ARMC8: variants seen among roughly 807,000 people sequenced by gnomAD.
ARMC8 encodes armadillo repeat containing 8.
ARMC8 carries 20 observed loss-of-function variants against 99.3 expected under a neutral mutation model. That is an observed-to-expected ratio of 0.20 (90% CI 0.14 to 0.29). The LOEUF (loss-of-function observed/expected upper bound fraction) is 0.29, where lower values mean the gene tolerates loss of function less well. ARMC8 is among the 10% of genes least tolerant of loss of function. The pLI, the probability that ARMC8 is intolerant of heterozygous loss-of-function variation, is 1.00. For missense variants in ARMC8, 569 were observed against 809.5 expected (o/e 0.70, Z 3.60); for synonymous variants, 263 against 278.3 (o/e 0.95, Z 0.55).
chr3:138,245,607 T>C (rs183100249), intron 12 of ARMC8: 6 of 1,002,764 alleles, frequency 6.0e-6, no homozygotes, highest in East Asian at 2.0e-4. Context: ...TTCTTTGATA[T>C]GTGGCTTAGT....
intron 1 of ARMC8, among the ~76,000 whole-genome samples, chr3:138,191,238 C>G (rs1200546453): frequency 1.3e-5 from 2 of 152,210 alleles, no homozygotes; most frequent in African/African-American, 4.8e-5. Flanking sequence ...AGCCCTGTTT[C>G]TAGACTGCAC....
intron 6 of ARMC8, among the ~76,000 whole-genome samples, chr3:138,231,466 G>A (rs550389933): frequency 6.6e-6 from 1 of 152,176 alleles, no homozygotes; most frequent in South Asian, 2.1e-4. Context: ...AAGCATTTGT[G>A]TTGCAATATA....
At chr3:138,207,715 G>A (rs1295121576) in intron 1 of ARMC8, among the ~76,000 whole-genome samples, 3 of 152,060 alleles carry the variant, frequency 2.0e-5, no homozygotes, top group Non-Finnish European at 4.4e-5. Flanking sequence ...TGATATGTTC[G>A]TACAGTTATT....
At chr3:138,226,412 G>A (rs1231569810) in intron 5 of ARMC8, among the ~76,000 whole-genome samples, 1 of 152,122 alleles carries the variant, frequency 6.6e-6, no homozygotes, top group Non-Finnish European at 1.5e-5. Context: ...CTAGTATTAC[G>A]TGGAGGGCTT....
chr3:138,292,658 T>C lies in ARMC8; in HGVS notation c.1988+2019T>C, dbSNP rs571887649. Among the ~76,000 whole-genome samples the C allele has an allele frequency of 8.5e-5, 13 of 152,090 alleles. 1 individual carries two copies. The highest frequency in any genetic ancestry group is 2.1e-4 in the South Asian group (1 of 4,828). On this transcript the variant is annotated intron_variant, in intron 21 of 21. Coordinates refer to ENST00000469044, the MANE Select transcript of ARMC8 (RefSeq NM_001363941.2). The stretch of plus-strand genomic sequence containing the variant: ...TGAGGAATATAGAAGTGGGTTGCGG[T>C]AGGGAGCATCAAGAGTTCTTGTTTG...
intron 2 of ARMC8, among the ~76,000 whole-genome samples, chr3:138,216,432 T>C (rs1330542582): frequency 6.6e-6 from 1 of 152,216 alleles, no homozygotes; most frequent in Non-Finnish European, 1.5e-5. Flanking sequence ...AAATTGGCAA[T>C]TCAATAATGA....
chr3:138,211,756 C>T (rs1004805586), intron 2 of ARMC8, among the ~76,000 whole-genome samples: 3 of 152,084 alleles, frequency 2.0e-5, no homozygotes, highest in Admixed American at 2.0e-4. Context: ...TTTCATTGAG[C>T]CTCAATTTCA....
At chr3:138,267,878 G>T (rs950717414) in intron 15 of ARMC8, among the ~76,000 whole-genome samples, 2 of 152,094 alleles carry the variant, frequency 1.3e-5, no homozygotes, top group African/African-American at 4.8e-5. Flanking sequence ...TGTCCCATTT[G>T]TGTTGAATTT....
intron 2 of ARMC8, among the ~76,000 whole-genome samples, chr3:138,216,504 TG>T (rs2045051453): frequency 6.6e-6 from 1 of 152,222 alleles, no homozygotes; most frequent in Non-Finnish European, 1.5e-5. Flanking sequence ...TCCTTAACCA[TG>T]CATGATAACA....
chr3:138,263,395 C>T (rs1560009590), intron 12 of ARMC8: 6 of 236,514 alleles, frequency 2.5e-5, no homozygotes, highest in Non-Finnish European at 3.3e-5. Context: ...TGGAAGGAAC[C>T]TGCCCAATGA....
intron 16 of ARMC8, among the ~76,000 whole-genome samples, chr3:138,270,911 T>A (rs944500634): frequency 6.6e-6 from 1 of 152,232 alleles, no homozygotes; most frequent in Non-Finnish European, 1.5e-5. Context: ...TTAATTGCTC[T>A]GTACCAGACA....
chr3:138,234,840 G>A (rs1489894251), intron 6 of ARMC8, among the ~76,000 whole-genome samples, 194 bp from the exon 7 acceptor site: 1 of 152,194 alleles, frequency 6.6e-6, no homozygotes, highest in African/African-American at 2.4e-5. Context: ...ACTGGAATGA[G>A]TTAAGATATG....
chr3:138,223,957 CTT>C (rs1037473550), intron 5 of ARMC8, among the ~76,000 whole-genome samples: 36 of 133,616 alleles, frequency 2.7e-4, no homozygotes, highest in Non-Finnish European at 3.0e-4. Flanking sequence ...GACTCCATCT[CTT>C]TTTTTTTTTT....
rs1448289512 is a variant in ARMC8 at position 138,187,486 on chromosome 3, C to T, written c.-69C>T. On this transcript the variant is annotated 5_prime_UTR_variant, in exon 1 of 22. Transcript: ENST00000469044. ...TTAGGGAGCGGTGCCTAGCGTTGGC[C>T]AATAGTTGGCTGTCGAAAGTGCCGG... 4.7e-6 allele frequency: 7 copies of T among 1,498,632 alleles called. No homozygotes were observed. In the Admixed American group the frequency reaches 1.4e-4, roughly 30 times the overall value. The allele number at this position is 1,498,632 out of a possible 1,614,324, so 92.8% of individuals were successfully genotyped here. A position where few individuals can be genotyped will look rare whatever the true frequency, so the allele number is the denominator to read the frequency against.
chr3:138,202,979 G>A (rs970277948), intron 1 of ARMC8, among the ~76,000 whole-genome samples: 2 of 152,078 alleles, frequency 1.3e-5, no homozygotes, highest in Non-Finnish European at 2.9e-5. Context: ...TTTTCAAAAG[G>A]CAATGGTTTA....
chr3:138,194,477 A>G (rs1299805775), intron 1 of ARMC8, among the ~76,000 whole-genome samples: 3 of 151,040 alleles, frequency 2.0e-5, no homozygotes, highest in Non-Finnish European at 4.4e-5. Flanking sequence ...AGCTGGGACT[A>G]CAGGCACCTG....
chr3:138,203,639 T>C (rs1307558382), intron 1 of ARMC8, among the ~76,000 whole-genome samples: 3 of 152,208 alleles, frequency 2.0e-5, no homozygotes, highest in Non-Finnish European at 2.9e-5. Flanking sequence ...TTCCATTTGC[T>C]AGAACCTACT....
intron 16 of ARMC8, among the ~76,000 whole-genome samples, chr3:138,271,798 C>CTTTTTTTTTTTT (rs776320900): frequency 8.8e-5 from 12 of 136,124 alleles, no homozygotes; most frequent in African/African-American, 3.1e-4. Context: ...TTTTTTCTTT[C>CTTTTTTTTTTTT]TTTTTTTTTT....
In ARMC8 at chr3:138,267,026, C is replaced by G. The variant is rs1356284155; in HGVS notation, c.1300-129C>G. 3 of 558,646 alleles carry G rather than the reference C, an allele frequency of 5.4e-6. No homozygotes were observed. The South Asian group carries it at 8.9e-5, about 16-fold the overall frequency. 34.6% of individuals were successfully genotyped at this position (558,646 alleles called of 1,614,324 possible). A position where few individuals can be genotyped will look rare whatever the true frequency, so the allele number is the denominator to read the frequency against. On this transcript the variant is annotated intron_variant, in intron 14 of 21. Transcript: ENST00000469044. ...TGACACAGTATCAAGTGGATTCTTC[C>G]TATCTCTCCAATACGAAGAATCAGG...
Sources: gnomAD v4.1 joint callset for allele counts (sites outside exome capture counted in the v4.1 genomes callset) on GRCh38, gnomAD v4.1.1 for gene constraint, MANE v1.5 for transcripts, NCBI Gene and HGNC (gene_info 2026-07-23, HGNC 2026-07-21) for gene names.